FTCDNL1: variants seen among roughly 807,000 people sequenced by gnomAD.
FTCDNL1 encodes formiminotransferase cyclodeaminase N-terminal like.
Under a neutral mutation model 5.9 loss-of-function variants are expected in FTCDNL1, and 11 were observed. The ratio of observed to expected loss-of-function variants is 1.87; its 90% CI spans 1.18 to 3.10. The LOEUF (loss-of-function observed/expected upper bound fraction) is 3.10. Ranked by LOEUF, FTCDNL1 falls within the 30% of genes most tolerant of loss-of-function variation. The probability of loss-of-function intolerance (pLI) is 0.00; values close to 1 mark genes in which losing one functional copy is unlikely to be tolerated. For synonymous variants in FTCDNL1, 58 were observed against 24.8 expected (o/e 2.34, Z -3.99); for missense variants, 115 against 65.5 (o/e 1.76, Z -2.61).
intron 3 of FTCDNL1, among the ~76,000 whole-genome samples, chr2:199,798,721 G>A (rs922166361): frequency 4.6e-5 from 7 of 152,154 alleles, no homozygotes; most frequent in Non-Finnish European, 1.0e-4. Context: ...CAAACCACTT[G>A]GTGACAAGAC....
At chr2:199,738,160 G>A in the FTCDNL1 span, among the ~76,000 whole-genome samples, 11 of 152,144 alleles carry the variant, frequency 7.2e-5, no homozygotes, top group Non-Finnish European at 1.5e-4. Context: ...AAAGTTTCTC[G>A]ATACCATACA....
Position 199,842,716 on chromosome 2 carries a change from C to T in FTCDNL1, c.211+3359G>A, listed in dbSNP as rs186935414. On this transcript the variant is annotated intron_variant, in intron 3 of 4. Coordinates refer to ENST00000420128, the MANE Select transcript of FTCDNL1 (RefSeq NM_001363886.2). ...ATACGTTATTCAGCATTTTTGCATA[C>T]AAAGTATACATAAATTACACATATC... Among the ~76,000 whole-genome samples the T allele has an allele frequency of 1.4e-3, 212 of 152,222 alleles. 1 individual carries two copies. The highest frequency in any genetic ancestry group is 4.5e-3 in the African/African-American group (188 of 41,548).
At chr2:199,823,303 A>C (rs1332569636) in intron 3 of FTCDNL1, among the ~76,000 whole-genome samples, 1 of 152,014 alleles carries the variant, frequency 6.6e-6, no homozygotes, top group East Asian at 1.9e-4. Flanking sequence ...AACTTCTTCC[A>C]AACTCCTCTT....
the FTCDNL1 span, among the ~76,000 whole-genome samples, chr2:199,677,412 G>A: frequency 0.54 from 82,035 of 152,044 alleles, 24,288 homozygotes; most frequent in South Asian, 0.7. Context: ...ACAGAAAAAA[G>A]TGATCATGCC....
chr2:199,683,770 C>CA, the FTCDNL1 span, among the ~76,000 whole-genome samples: 2 of 152,132 alleles, frequency 1.3e-5, no homozygotes, highest in African/African-American at 4.8e-5. Flanking sequence ...TTTGTGAATG[C>CA]AAAATACCTT....
chr2:199,823,278 A>T (rs1349064420), intron 3 of FTCDNL1, among the ~76,000 whole-genome samples: 1 of 152,174 alleles, frequency 6.6e-6, no homozygotes, highest in East Asian at 1.9e-4. Flanking sequence ...AAAGTCACCC[A>T]TGAGGGTTGG....
downstream of FTCDNL1, among the ~76,000 whole-genome samples, chr2:199,757,729 T>C (rs1698120702): frequency 6.6e-6 from 1 of 152,216 alleles, no homozygotes; most frequent in South Asian, 2.1e-4. Flanking sequence ...GCTGGATGGC[T>C]TGTAGTCAGT....
chr2:199,844,694 C>T (rs2076682349), intron 3 of FTCDNL1, among the ~76,000 whole-genome samples: 1 of 152,180 alleles, frequency 6.6e-6, no homozygotes, highest in East Asian at 1.9e-4. Context: ...TTTCCCCTCA[C>T]CCCACCTCCC....
intron 3 of FTCDNL1, among the ~76,000 whole-genome samples, chr2:199,832,961 A>T (rs1448900035): frequency 6.6e-6 from 1 of 151,508 alleles, no homozygotes; most frequent in African/African-American, 2.4e-5. Context: ...CAGATTGTTC[A>T]GCTCCCTAAT....
intron 2 of FTCDNL1, among the ~76,000 whole-genome samples, 170 bp downstream of exon 2, chr2:199,848,678 A>C (rs1446709879): frequency 6.6e-6 from 1 of 152,232 alleles, no homozygotes; most frequent in Non-Finnish European, 1.5e-5. Context: ...TGAGTAACTG[A>C]GCTATCTCAG....
the FTCDNL1 span, among the ~76,000 whole-genome samples, chr2:199,681,032 G>A: frequency 1.3e-5 from 2 of 152,206 alleles, no homozygotes; most frequent in Admixed American, 1.3e-4. Context: ...CTCACTTGCT[G>A]GCTTAGCGTC....
chr2:199,715,946 A>C, the FTCDNL1 span, among the ~76,000 whole-genome samples: 1 of 151,012 alleles, frequency 6.6e-6, no homozygotes, highest in African/African-American at 2.4e-5. Flanking sequence ...TCATCCAATG[A>C]GAATATTAGT....
the FTCDNL1 span, among the ~76,000 whole-genome samples, chr2:199,677,759 T>C: frequency 6.6e-6 from 1 of 152,216 alleles, no homozygotes; most frequent in African/African-American, 2.4e-5. Flanking sequence ...GAATCGTTAA[T>C]GTGCTCATAA....
chr2:199,825,304 A>C (rs1158438486), intron 3 of FTCDNL1, among the ~76,000 whole-genome samples: 2 of 152,196 alleles, frequency 1.3e-5, no homozygotes, highest in East Asian at 3.8e-4. Flanking sequence ...ACAAACCTTT[A>C]ATTTGTAAAA....
intron 3 of FTCDNL1, among the ~76,000 whole-genome samples, chr2:199,766,390 C>T (rs921428793): frequency 2.0e-5 from 3 of 152,118 alleles, no homozygotes; most frequent in Non-Finnish European, 4.4e-5. Flanking sequence ...CCCATATTGG[C>T]CTTTGAACAG....
At chr2:199,671,601 T>A in the FTCDNL1 span, among the ~76,000 whole-genome samples, 238 of 152,302 alleles carry the variant, frequency 1.6e-3, no homozygotes, top group African/African-American at 5.4e-3. Flanking sequence ...CAGGTTCTTT[T>A]CAAAATTGAA....
chr2:199,830,638 G>A (rs377697336), intron 3 of FTCDNL1, among the ~76,000 whole-genome samples: 55 of 152,122 alleles, frequency 3.6e-4, no homozygotes, highest in African/African-American at 1.0e-3. Flanking sequence ...GTCTCATTAC[G>A]CCCAGTGCTG....
the FTCDNL1 span, among the ~76,000 whole-genome samples, chr2:199,687,956 A>T: frequency 6.6e-6 from 1 of 152,072 alleles, no homozygotes; most frequent in Non-Finnish European, 1.5e-5. Flanking sequence ...TAAAGTGAGC[A>T]TGTCTCTGGG....
the FTCDNL1 span, among the ~76,000 whole-genome samples, chr2:199,745,864 T>C: frequency 2.0e-5 from 3 of 147,976 alleles, no homozygotes; most frequent in African/African-American, 5.0e-5. Flanking sequence ...AGTTTACCCG[T>C]AATTATTTTA....
Sources: allele counts gnomAD v4.1 joint callset (sites outside exome capture counted in the v4.1 genomes callset), GRCh38; gene constraint gnomAD v4.1.1; transcripts MANE v1.5; gene names NCBI Gene and HGNC (gene_info 2026-07-23, HGNC 2026-07-21).